Variants in DSCAML1 observed in about 807,000 individuals in gnomAD.
The protein encoded by DSCAML1 is DS cell adhesion molecule like 1.
A neutral mutation model predicts 200.5 loss-of-function variants in DSCAML1; 38 were observed. The ratio of observed to expected loss-of-function variants is 0.19; its 90% CI spans 0.15 to 0.25. DSCAML1 has a LOEUF of 0.25. DSCAML1 is among the 10% of genes least tolerant of loss of function. The probability of loss-of-function intolerance (pLI) is 1.00; values close to 1 mark genes in which losing one functional copy is unlikely to be tolerated. For synonymous variants in DSCAML1, 1,215 were observed against 1,165.0 expected (o/e 1.04, Z -0.87); for missense variants, 2,223 against 2,858.8 (o/e 0.78, Z 5.07).
chr11:117,557,408 C>T (rs2050577614), intron 3 of DSCAML1, among the ~76,000 whole-genome samples: 1 of 152,100 alleles, frequency 6.6e-6, no homozygotes, highest in Non-Finnish European at 1.5e-5. Context: ...GGAGTTTCCC[C>T]AGCCCCCCTC....
At position 117,428,297 on chromosome 11, in the gene DSCAML1, G is replaced by A. The variant is rs967838312; in HGVS notation, c.*31C>T. On this transcript the variant is annotated 3_prime_UTR_variant, in exon 33 of 33. Transcript: ENST00000651296. The stretch of plus-strand genomic sequence containing the variant: ...GGCGTGTGGGGCTGCGGCGCGGCGC[G>A]GTCCAGGCGTGGCTGCTCTTCCTGC... The A allele has an allele frequency of 6.4e-6, 8 of 1,245,040 alleles. No homozygotes were observed. The highest frequency in any genetic ancestry group is 3.8e-5 in the South Asian group (3 of 79,486). The allele number at this position is 1,245,040 out of a possible 1,614,324, so 77.1% of individuals were successfully genotyped here.
intron 3 of DSCAML1, among the ~76,000 whole-genome samples, chr11:117,552,073 G>A (rs1316131637): frequency 6.6e-6 from 1 of 152,034 alleles, no homozygotes; most frequent in African/African-American, 2.4e-5. Flanking sequence ...CTGCGGGGAA[G>A]GGAGAGAGGC....
upstream of DSCAML1, among the ~76,000 whole-genome samples, chr11:117,797,785 C>T (rs1180098360): frequency 1.3e-5 from 2 of 152,216 alleles, no homozygotes; most frequent in Non-Finnish European, 2.9e-5. Context: ...TTTTCCTCAG[C>T]ACTTGGCACA....
At chr11:117,640,891 G>C (rs2052392904) in intron 3 of DSCAML1, among the ~76,000 whole-genome samples, 1 of 152,094 alleles carries the variant, frequency 6.6e-6, no homozygotes, top group South Asian at 2.1e-4. Context: ...GTTCCCTGCT[G>C]TGTGTGTGTT....
At chr11:117,634,768 G>A (rs1370249968) in intron 3 of DSCAML1, among the ~76,000 whole-genome samples, 2 of 152,144 alleles carry the variant, frequency 1.3e-5, no homozygotes, top group Admixed American at 6.5e-5. Context: ...CCTACTCCTC[G>A]AGGCTGCGGT....
intron 3 of DSCAML1, among the ~76,000 whole-genome samples, chr11:117,572,520 T>C (rs1255231717): frequency 6.6e-6 from 1 of 152,172 alleles, no homozygotes; most frequent in African/African-American, 2.4e-5. Context: ...CCGTAGGGAC[T>C]CCTTGCCCCA....
At position 117,676,248 on chromosome 11, in the gene DSCAML1, G is replaced by A. The variant is rs145012359; in HGVS notation, c.511+100543C>T. On this transcript the variant is annotated intron_variant, in intron 3 of 32. Coordinates refer to ENST00000651296, the MANE Select transcript of DSCAML1 (RefSeq NM_020693.4). ...TCAGATAGCAGAGTTTTTACAATTCGAAGGCAGGGAATGAGGCAGAGATAT... is the reference window on the plus strand; with the variant it reads ...TCAGATAGCAGAGTTTTTACAATTCAAAGGCAGGGAATGAGGCAGAGATAT... Among the ~76,000 whole-genome samples the A allele has an allele frequency of 2.8e-3, 424 of 151,986 alleles. 3 individuals carry two copies. The highest frequency in any genetic ancestry group is 5.0e-3 in the Non-Finnish European group (342 of 67,954).
chr11:117,667,139 C>G (rs541802341), intron 3 of DSCAML1, among the ~76,000 whole-genome samples: 1 of 152,114 alleles, frequency 6.6e-6, no homozygotes, highest in Non-Finnish European at 1.5e-5. Context: ...TGGTTGGGCA[C>G]GATGGCTCAC....
rs1265294500 is a variant in DSCAML1, at chr11:117,656,545, A to G, written c.511+120246T>C. 2.0e-5 allele frequency among the ~76,000 whole-genome samples: 3 copies of G among 148,920 alleles called. No homozygotes were observed. The East Asian group carries it at 5.9e-4, about 29-fold the overall frequency. On this transcript the variant is annotated intron_variant, in intron 3 of 32. Coordinates refer to ENST00000651296, the MANE Select transcript of DSCAML1 (RefSeq NM_020693.4). ...TATCTATCTATCTATCTATCTATCT[A>G]TCCATCCATCCACCCATCCAAATTT...
chr11:117,604,957 C>T lies in DSCAML1; in HGVS notation c.512-72435G>A, dbSNP rs1025264444. ...CAGGCTGTCTGTTGGCTGTGGGTTT[C>T]GGGAGGAACCTGACCAGAGGGGCTT... On this transcript the variant is annotated intron_variant, in intron 3 of 32. Coordinates refer to ENST00000651296, the MANE Select transcript of DSCAML1 (RefSeq NM_020693.4). Among the ~76,000 whole-genome samples, 18 of 152,150 alleles carry T rather than the reference C, an allele frequency of 1.2e-4. 1 individual carries two copies. Among genetic ancestry groups the T allele is most frequent in the African/African-American group, 3.9e-4 (16 of 41,422 alleles).
chr11:117,641,309 AG>A (rs946829333), intron 3 of DSCAML1, among the ~76,000 whole-genome samples: 1 of 152,182 alleles, frequency 6.6e-6, no homozygotes, highest in African/African-American at 2.4e-5. Flanking sequence ...ATTGCTGGGG[AG>A]GGGGCAACCC....
chr11:117,600,760 G>C (rs1230398336), intron 3 of DSCAML1, among the ~76,000 whole-genome samples: 1 of 152,222 alleles, frequency 6.6e-6, no homozygotes, highest in African/African-American at 2.4e-5. Flanking sequence ...GGAGATGGCA[G>C]CTTCCTTTCT....
intron 1 of DSCAML1, among the ~76,000 whole-genome samples, chr11:117,784,837 G>A (rs1234868315): frequency 2.0e-5 from 3 of 152,210 alleles, no homozygotes; most frequent in Admixed American, 2.0e-4. Context: ...TGCCAAGATG[G>A]TGGAATGGAA....
At chr11:117,459,142 T>G (rs1023266072) in intron 18 of DSCAML1, among the ~76,000 whole-genome samples, 2 of 152,228 alleles carry the variant, frequency 1.3e-5, no homozygotes, top group African/African-American at 4.8e-5. Flanking sequence ...GATGCTGGCC[T>G]GGGCCCGGCC....
chr11:117,710,090 T>C (rs2053820904), intron 3 of DSCAML1, among the ~76,000 whole-genome samples: 1 of 152,194 alleles, frequency 6.6e-6, no homozygotes, highest in African/African-American at 2.4e-5. Flanking sequence ...GGTCTGGGAT[T>C]TTCATTTTAC....
chr11:117,521,122 C>T lies in DSCAML1; in HGVS notation c.1213+8G>A. ...ACCCGCCCCCTGTGTCCTGGCGCCCCAGCTCACCCTCAAGTGCAATGATGG... is the reference window on the plus strand; with the variant it reads ...ACCCGCCCCCTGTGTCCTGGCGCCCTAGCTCACCCTCAAGTGCAATGATGG... On this transcript the variant is annotated splice_region_variant and intron_variant, in intron 6 of 32. Transcript: ENST00000651296. 1 of 1,608,090 alleles carries T rather than the reference C, an allele frequency of 6.2e-7. No homozygotes were observed. The highest frequency in any genetic ancestry group is 1.1e-5 in the South Asian group (1 of 90,988).
chr11:117,526,673 A>G (rs1218735103), intron 4 of DSCAML1, among the ~76,000 whole-genome samples: 1 of 151,980 alleles, frequency 6.6e-6, no homozygotes, highest in Non-Finnish European at 1.5e-5. Context: ...GCCCGCCACC[A>G]TGCCCAGCTA....
chr11:117,712,141 G>C (rs370518611), intron 3 of DSCAML1, among the ~76,000 whole-genome samples: 92 of 152,136 alleles, frequency 6.0e-4, no homozygotes, highest in African/African-American at 2.2e-3. Flanking sequence ...ACGTTGCACT[G>C]AAATAAAAAA....
chr11:117,441,778 T>C (rs1380940968), intron 21 of DSCAML1, among the ~76,000 whole-genome samples: 1 of 151,698 alleles, frequency 6.6e-6, no homozygotes, highest in African/African-American at 2.4e-5. Context: ...AGCAGGGGAG[T>C]TCTGGGGTCT....
Sources: gnomAD v4.1 joint callset for allele counts (sites outside exome capture counted in the v4.1 genomes callset) on GRCh38, gnomAD v4.1.1 for gene constraint, MANE v1.5 for transcripts, NCBI Gene and HGNC (gene_info 2026-07-23, HGNC 2026-07-21) for gene names.